The following CYB561A3 variants were observed in gnomAD, a reference collection of about 807,000 sequenced individuals.
CYB561A3 encodes cytochrome b561 family member A3, also known as lysosomal membrane ascorbate-dependent ferrireductase CYB561A3.
A neutral mutation model predicts 25.3 loss-of-function variants in CYB561A3; 16 were observed. The observed-to-expected ratio is 0.63, with a 90% CI of 0.43 to 0.96. The LOEUF is 0.96. Among genes scored for constraint, CYB561A3 ranks in the 40% least tolerant of loss-of-function variants. The pLI is 0.00. For synonymous variants in CYB561A3, 131 were observed against 129.9 expected (o/e 1.01, Z -0.06); for missense variants, 219 against 307.5 (o/e 0.71, Z 2.15).
chr11:61,353,301 G>C, intron 4 of CYB561A3, 162 bp from the exon 5 acceptor site: 1 of 891,604 alleles, frequency 1.1e-6, no homozygotes, highest in Non-Finnish European at 1.7e-6. Flanking sequence ...CCTCATTGTG[G>C]CCTATTACCC....
upstream of CYB561A3, chr11:61,361,919 G>C (rs2135142475): frequency 1.3e-5 from 2 of 152,374 alleles, no homozygotes; most frequent in East Asian, 3.9e-4. Context: ...TTATAGGCTC[G>C]CAGCACTTCC....
intron 3 of CYB561A3, 117 bp from the exon 4 acceptor site, chr11:61,354,109 G>A (rs1469527520): frequency 9.3e-7 from 1 of 1,077,010 alleles, no homozygotes; most frequent in African/African-American, 1.6e-5. Context: ...GAAATGCTAG[G>A]GCACTGGTAT....
chr11:61,353,954 G>A lies in CYB561A3; in HGVS notation c.223C>T (p.Pro75Ser). 1 of 1,614,172 alleles carries A rather than the reference G, an allele frequency of 6.2e-7. No homozygotes were observed. The highest frequency in any genetic ancestry group is 8.5e-7 in the Non-Finnish European group (1 of 1,180,044). Reference protein sequence around the residue: ...VYRLPQSWVGPKLPWKLLHAA... With the variant: ...VYRLPQSWVGSKLPWKLLHAA... ...TGGAGGAGTTTCCAGGGCAGTTTGG[G>A]CCCCACCCACGACTGGGGCAGGCGG... is the stretch of plus-strand genomic sequence containing the variant. Residue 75 changes from proline to serine, a missense_variant, in exon 4 of 7, where the codon CCC (proline) becomes TCC (serine). By Grantham distance (74) the Pro-to-Ser change is moderately conservative. Transcript: ENST00000294072.
chr11:61,353,436 G>T, intron 4 of CYB561A3: 1 of 638,130 alleles, frequency 1.6e-6, no homozygotes, highest in South Asian at 1.6e-5. Flanking sequence ...ACAGGCCTGA[G>T]ATCAGAATAT....
intron 6 of CYB561A3, 158 bp from the exon 7 acceptor site, chr11:61,350,580 C>G: frequency 1.2e-6 from 1 of 862,588 alleles, no homozygotes; most frequent in Non-Finnish European, 1.8e-6. Flanking sequence ...GGTACACACC[C>G]CGTCTCCCTA....
At chr11:61,351,213 C>T (rs1333481267) in intron 5 of CYB561A3, 66 bp from the exon 6 acceptor site, 1 of 1,508,958 alleles carries the variant, frequency 6.6e-7, no homozygotes, top group Non-Finnish European at 8.9e-7. Flanking sequence ...TAGTGGGAGA[C>T]TCGATGTCAC....
chr11:61,355,997 CAGG>C (rs1385492150), intron 3 of CYB561A3: 1 of 150,046 alleles, frequency 6.7e-6, no homozygotes, highest in Non-Finnish European at 1.5e-5. Context: ...GAGGCTGAGG[CAGG>C]AGAATGGCGC....
At position 61,348,818 on chromosome 11, in the gene CYB561A3, A is replaced by G. The variant is rs759650756; in HGVS notation, c.*1581T>C. The G allele has an allele frequency of 3.3e-5, 5 of 152,288 alleles. No homozygotes were observed. The highest frequency in any genetic ancestry group is 9.6e-5 in the African/African-American group (4 of 41,460). 9.4% of individuals were successfully genotyped at this position (152,288 alleles called of 1,614,324 possible). On this transcript the variant is annotated 3_prime_UTR_variant, in exon 7 of 7. Coordinates refer to ENST00000294072, the MANE Select transcript of CYB561A3 (RefSeq NM_153611.6). ...AACAAAGACAGCTTTGATTCTTAACATATTTAATGAAACTCGAGCTTCATA... is the reference window on the plus strand; with the variant it reads ...AACAAAGACAGCTTTGATTCTTAACGTATTTAATGAAACTCGAGCTTCATA...
intron 5 of CYB561A3, 165 bp downstream of exon 5, chr11:61,352,820 A>C (rs1233323892): frequency 1.4e-6 from 2 of 1,454,622 alleles, no homozygotes; most frequent in East Asian, 2.5e-5. Flanking sequence ...CTGACTTACC[A>C]ATTTCAACCT....
chr11:61,353,283 GC>G (rs1381867718), intron 4 of CYB561A3, 144 bp from the exon 5 acceptor site: 7 of 1,061,002 alleles, frequency 6.6e-6, no homozygotes, highest in Non-Finnish European at 9.3e-6. Flanking sequence ...CCACTACCGT[GC>G]TAGCTTCCTC....
rs987177680 is a variant in CYB561A3 at position 61,350,852 on chromosome 11, C to T, written c.705+139G>A. ...GGGACCAGTGCTCCCCATCAGCCAC[C>T]CTAACTCCACCCTCAAGTTACTTGG... On this transcript the variant is annotated intron_variant, in intron 6 of 6. Coordinates refer to ENST00000294072, the MANE Select transcript of CYB561A3 (RefSeq NM_153611.6). 2.5e-5 allele frequency: 33 copies of T among 1,300,264 alleles called. No homozygotes were observed. In the East Asian group the frequency reaches 7.0e-4, roughly 28 times the overall value. 80.5% of individuals were successfully genotyped at this position (1,300,264 alleles called of 1,614,324 possible). A position where few individuals can be genotyped will look rare whatever the true frequency, so the allele number is the denominator to read the frequency against.
At position 61,349,427 on chromosome 11, in the gene CYB561A3, G is replaced by A. The variant is rs1857291345; in HGVS notation, c.*972C>T. The A allele has an allele frequency of 1.8e-5, 12 of 653,590 alleles. No individual in the cohort carries two copies. The highest frequency in any genetic ancestry group is 3.4e-5 in the Non-Finnish European group (12 of 356,452). 40.5% of individuals were successfully genotyped at this position (653,590 alleles called of 1,614,324 possible). On this transcript the variant is annotated 3_prime_UTR_variant, in exon 7 of 7. Coordinates refer to ENST00000294072, the MANE Select transcript of CYB561A3 (RefSeq NM_153611.6). ...GCTGGGGCCCTGCCAAGAGAGCAAG[G>A]CCAGACCTGCCCAGCGGGAGGCAGG...
At chr11:61,354,093 G>C in intron 3 of CYB561A3, 101 bp from the exon 4 acceptor site, 1 of 1,289,176 alleles carries the variant, frequency 7.8e-7, no homozygotes, top group Non-Finnish European at 1.1e-6. Context: ...CCCAGCAAGG[G>C]AACAGGAAAT....
chr11:61,352,910 T>G (rs764495905), intron 5 of CYB561A3, 75 bp downstream of exon 5: 36 of 1,611,276 alleles, frequency 2.2e-5, no homozygotes, highest in Non-Finnish European at 1.5e-5. Context: ...GTGAGTCCTG[T>G]GATCACAGGG....
At chr11:61,353,586 G>T in intron 4 of CYB561A3, 198 bp downstream of exon 4, 1 of 730,722 alleles carries the variant, frequency 1.4e-6, no homozygotes. Context: ...CGGGCAATGG[G>T]AGGGATAAAA....
chr11:61,356,584 A>T lies in CYB561A3; in HGVS notation c.130T>A (p.Phe44Ile). Reference protein sequence around the residue: ...GFAWNGSIYMFNWHPVLMVAG... With the variant: ...GFAWNGSIYMINWHPVLMVAG... ...ACCATAAGCACTGGGTGCCAGTTGAACATGTAGATGCTGCCATTCCAGGCA... is the reference window on the plus strand; with the variant it reads ...ACCATAAGCACTGGGTGCCAGTTGATCATGTAGATGCTGCCATTCCAGGCA... The change falls in exon 3 of 7, where the codon TTC becomes ATC. Residue 44 changes from phenylalanine (F) to isoleucine (I), a missense_variant. Coordinates refer to ENST00000294072, the MANE Select transcript of CYB561A3 (RefSeq NM_153611.6). The T allele has an allele frequency of 1.2e-6, 2 of 1,614,200 alleles. No individual in the cohort carries two copies. Among genetic ancestry groups the T allele is most frequent in the Non-Finnish European group, 1.7e-6 (2 of 1,180,038 alleles).
At position 61,352,984 on chromosome 11, in the gene CYB561A3, C is replaced by A; in HGVS notation, c.548+1G>T. 6.2e-7 allele frequency: 1 copy of A among 1,614,158 alleles called. No individual in the cohort carries two copies. The highest frequency in any genetic ancestry group is 8.5e-7 in the Non-Finnish European group (1 of 1,180,036). On this transcript the variant is annotated splice_donor_variant, in intron 5 of 6. Coordinates refer to ENST00000294072, the MANE Select transcript of CYB561A3 (RefSeq NM_153611.6). LOFTEE classifies it high-confidence loss of function. Reference sequence around the variant, plus strand: ...AGAGTTGGGGACCCCACTGCACTCACAAACTGAAGAAAAGCTTCTCATTAA... The same window carrying A: ...AGAGTTGGGGACCCCACTGCACTCAAAAACTGAAGAAAAGCTTCTCATTAA...
At chr11:61,362,181 G>T (rs1287811366), upstream of CYB561A3, 4 of 152,414 alleles carry the variant, frequency 2.6e-5, no homozygotes, top group African/African-American at 9.6e-5. Context: ...TGCGCAGTGT[G>T]GGCGGGAGCC....
intron 1 of CYB561A3, chr11:61,360,514 G>A (rs1028814062): frequency 3.3e-5 from 5 of 152,240 alleles, no homozygotes; most frequent in African/African-American, 1.2e-4. Flanking sequence ...CACCACGGCT[G>A]TGTTCCAGTA....
Sources: gnomAD v4.1 joint callset for allele counts on GRCh38, gnomAD v4.1.1 for gene constraint, MANE v1.5 for transcripts, NCBI Gene and HGNC (gene_info 2026-07-23, HGNC 2026-07-21) for gene names.